Variants in RHBDL3 observed in about 807,000 individuals in gnomAD.
RHBDL3 encodes rhomboid like 3.
RHBDL3 carries 28 observed loss-of-function variants against 48.2 expected under a neutral mutation model. The observed-to-expected ratio is 0.58, with a 90% CI of 0.43 to 0.80. The LOEUF is 0.80. Ranked by LOEUF, RHBDL3 falls within the 30% of genes least tolerant of loss-of-function variation. The pLI is 0.00. For synonymous variants in RHBDL3, 208 were observed against 232.3 expected (o/e 0.90, Z 0.95); for missense variants, 464 against 542.7 (o/e 0.85, Z 1.44).
Position 32,289,029 on chromosome 17 carries a change from G to A in RHBDL3, c.519+13G>A. The stretch of plus-strand genomic sequence containing the variant: ...CACGCTGCTGGAGGCAAGGACAAGG[G>A]TGGGGAGGGGGTTGCTCTGCCTTGG... On this transcript the variant is annotated intron_variant, in intron 4 of 8. Transcript: ENST00000269051. The A allele has an allele frequency of 6.2e-7, 1 of 1,612,036 alleles. No homozygotes were observed. The highest frequency in any genetic ancestry group is 8.5e-7 in the Non-Finnish European group (1 of 1,178,192).
chr17:32,266,411 C>G (rs1567757343), intron 1 of RHBDL3, 111 bp downstream of exon 1: 2 of 523,780 alleles, frequency 3.8e-6, no homozygotes, highest in Non-Finnish European at 6.2e-6. Flanking sequence ...GACGCGGGAG[C>G]GCCCCGGATT....
Position 32,316,309 on chromosome 17 carries a change from C to T in RHBDL3, c.943+17C>T, listed in dbSNP as rs370676242. ...TTATCTGTAGTAAGTACTGATGGGG[C>T]GCTGGGGAACCAAAGCCTGGCACCA... is the stretch of plus-strand genomic sequence containing the variant. On this transcript the variant is annotated intron_variant, in intron 8 of 8. Transcript: ENST00000269051. 16 of 1,601,736 alleles carry T rather than the reference C, an allele frequency of 1.0e-5. No homozygotes were observed. The highest frequency in any genetic ancestry group is 4.0e-5 in the African/African-American group (3 of 74,570).
intron 7 of RHBDL3, among the ~76,000 whole-genome samples, chr17:32,312,898 C>T (rs1194218035): frequency 6.6e-6 from 1 of 152,130 alleles, no homozygotes; most frequent in African/African-American, 2.4e-5. Flanking sequence ...CAACCTCCAC[C>T]TCCTGGGCTC....
chr17:32,302,871 C>T (rs1382017720), intron 6 of RHBDL3, among the ~76,000 whole-genome samples: 1 of 152,226 alleles, frequency 6.6e-6, no homozygotes, highest in Admixed American at 6.5e-5. Context: ...GCCCCATCCC[C>T]ACTTAGCCAG....
At chr17:32,277,337 TA>T (rs1597618730) in intron 2 of RHBDL3, among the ~76,000 whole-genome samples, 1 of 152,202 alleles carries the variant, frequency 6.6e-6, no homozygotes, top group East Asian at 1.9e-4. Flanking sequence ...ACATACATCA[TA>T]GACACAAGAA....
chr17:32,270,132 CA>C (rs66986205), intron 2 of RHBDL3, among the ~76,000 whole-genome samples: 24,378 of 68,560 alleles, frequency 0.36, 2,654 homozygotes, highest in African/African-American at 0.52. Context: ...GACCCTTTCT[CA>C]AAAAAAAAAA....
intron 3 of RHBDL3, among the ~76,000 whole-genome samples, chr17:32,288,539 A>G (rs1002585593): frequency 1.3e-5 from 2 of 152,122 alleles, no homozygotes; most frequent in Non-Finnish European, 2.9e-5. Context: ...ATCCAATAGA[A>G]TGGGGATGTT....
At chr17:32,287,931 C>T (rs2040235551) in intron 3 of RHBDL3, among the ~76,000 whole-genome samples, 1 of 152,170 alleles carries the variant, frequency 6.6e-6, no homozygotes, top group African/African-American at 2.4e-5. Context: ...TCAGGCTGAC[C>T]ACTGGGTGAG....
intron 8 of RHBDL3, among the ~76,000 whole-genome samples, chr17:32,316,518 C>T (rs116917099): frequency 0.011 from 1,711 of 152,178 alleles, 12 homozygotes; most frequent in Middle Eastern, 0.02. Context: ...ATTATATTTT[C>T]ATCTTTTTTT....
rs897453596 is a variant in RHBDL3, at chr17:32,319,023, G to A, written c.944-1935G>A. 4.1e-4 allele frequency among the ~76,000 whole-genome samples: 62 copies of A among 152,052 alleles called. 1 individual carries two copies. The highest frequency in any genetic ancestry group is 1.5e-3 in the African/African-American group (62 of 41,378). ...ACTCCTTGAGTCAGGGTATTAGGGT[G>A]CAGTGGGGTGGCAGTGGGTGTGTCA... On this transcript the variant is annotated intron_variant, in intron 8 of 8. Coordinates refer to ENST00000269051, the MANE Select transcript of RHBDL3 (RefSeq NM_138328.3).
intron 7 of RHBDL3, among the ~76,000 whole-genome samples, chr17:32,305,858 CA>C (rs2040699030): frequency 6.7e-6 from 1 of 150,354 alleles, no homozygotes; most frequent in Non-Finnish European, 1.5e-5. Flanking sequence ...GTGGAGCTTG[CA>C]GTGAGCCGAG....
At position 32,323,143 on chromosome 17, in the gene RHBDL3, G is replaced by C. The variant is rs2041178941; in HGVS notation, c.*1914G>C. 6.6e-6 allele frequency: 1 copy of C among 152,404 alleles called. No homozygotes were observed. The highest frequency in any genetic ancestry group is 1.5e-5 in the Non-Finnish European group (1 of 68,164). 9.4% of individuals were successfully genotyped at this position (152,404 alleles called of 1,614,324 possible). On this transcript the variant is annotated 3_prime_UTR_variant, in exon 9 of 9. Coordinates refer to ENST00000269051, the MANE Select transcript of RHBDL3 (RefSeq NM_138328.3). ...GCCCACTGCTAAATAGATTGCCCTG[G>C]CCTCATCCACATATGTAGTTCCCTA...
At chr17:32,303,523 A>G (rs1020592500) in intron 6 of RHBDL3, among the ~76,000 whole-genome samples, 1 of 152,254 alleles carries the variant, frequency 6.6e-6, no homozygotes, top group African/African-American at 2.4e-5. Context: ...AAGCAAAAGC[A>G]AAAGAAAGTT....
rs975767422 is a variant in RHBDL3 at position 32,324,335 on chromosome 17, C to T, written c.*3106C>T. 1.3e-5 allele frequency: 2 copies of T among 152,638 alleles called. No homozygotes were observed. The highest frequency in any genetic ancestry group is 2.4e-5 in the African/African-American group (1 of 41,462). The allele number at this position is 152,638 out of a possible 1,614,324, so 9.5% of individuals were successfully genotyped here. The stretch of plus-strand genomic sequence containing the variant: ...ATTCTTGCCCAGAGGATTAGGGGAG[C>T]TGTTGCTCACCACACCAGGATCTTC... On this transcript the variant is annotated 3_prime_UTR_variant, in exon 9 of 9. Coordinates refer to ENST00000269051, the MANE Select transcript of RHBDL3 (RefSeq NM_138328.3).
chr17:32,281,692 T>G (rs986629851), intron 2 of RHBDL3, among the ~76,000 whole-genome samples: 1 of 152,142 alleles, frequency 6.6e-6, no homozygotes, highest in African/African-American at 2.4e-5. Flanking sequence ...CCACATTCCC[T>G]CTCCAGGGTC....
Position 32,320,980 on chromosome 17 carries a change from C to T in RHBDL3, c.966C>T (p.Ala322=), listed in dbSNP as rs141245978. 396 of 1,612,854 alleles carry T rather than the reference C, an allele frequency of 2.5e-4. 2 individuals carry two copies. The African/African-American group carries it at 4.6e-3, about 19-fold the overall frequency. The change falls in exon 9 of 9, where the codon GCC becomes GCT. Residue 322 remains alanine (A), a synonymous_variant. Coordinates refer to ENST00000269051, the MANE Select transcript of RHBDL3 (RefSeq NM_138328.3). ...CAGTGAGCATGGAGTTTGGGCGGGC[C>T]GTGTGGCTCCGCTTCCACCCGTCGG... is the stretch of plus-strand genomic sequence containing the variant. ...LICMSMEFGR[A]VWLRFHPSAY... is the part of the protein sequence containing the mutation.
chr17:32,291,860 C>T (rs536037664), intron 4 of RHBDL3, among the ~76,000 whole-genome samples: 31 of 150,862 alleles, frequency 2.1e-4, no homozygotes, highest in African/African-American at 6.3e-4. Context: ...CAACCTCCGC[C>T]GGCTGGGTTC....
In RHBDL3 at chr17:32,298,056, A is replaced by G. The variant is rs775883955; in HGVS notation, c.669-36A>G. The G allele has an allele frequency of 6.6e-6, 9 of 1,358,916 alleles. No individual in the cohort carries two copies. The East Asian group carries it at 1.9e-4, about 28-fold the overall frequency. The allele number at this position is 1,358,916 out of a possible 1,614,324, so 84.2% of individuals were successfully genotyped here. A position where few individuals can be genotyped will look rare whatever the true frequency, so the allele number is the denominator to read the frequency against. ...AATGAATGAATGAATGAATGAATGA[A>G]TAGATGAATGAGTGAGTGTGGTCTC... On this transcript the variant is annotated intron_variant, in intron 5 of 8. Coordinates refer to ENST00000269051, the MANE Select transcript of RHBDL3 (RefSeq NM_138328.3).
chr17:32,316,324 G>A lies in RHBDL3; in HGVS notation c.943+32G>A, dbSNP rs914489141. 5 of 1,568,508 alleles carry A rather than the reference G, an allele frequency of 3.2e-6. No individual in the cohort carries two copies. The Admixed American group carries it at 8.4e-5, about 26-fold the overall frequency. On this transcript the variant is annotated intron_variant, in intron 8 of 8. Transcript: ENST00000269051. ...ACTGATGGGGCGCTGGGGAACCAAA[G>A]CCTGGCACCAGGGCCTGAGGTTCAA...
Sources: gnomAD v4.1 joint callset for allele counts (sites outside exome capture counted in the v4.1 genomes callset) on GRCh38, gnomAD v4.1.1 for gene constraint, MANE v1.5 for transcripts, NCBI Gene and HGNC (gene_info 2026-07-23, HGNC 2026-07-21) for gene names.